The following GRIK2 variants were observed in gnomAD, a reference collection of about 807,000 sequenced individuals.
GRIK2 encodes glutamate receptor ionotropic, kainate 2.
A neutral mutation model predicts 100.3 loss-of-function variants in GRIK2; 32 were observed. The observed-to-expected ratio is 0.32, with a 90% CI of 0.24 to 0.43. The LOEUF is 0.43. Ranked by LOEUF, GRIK2 falls within the 20% of genes least tolerant of loss-of-function variation. GRIK2 has a pLI of 1.00. For missense variants in GRIK2, 843 were observed against 1,114.9 expected, an observed-to-expected ratio of 0.76 and a Z score of 3.47; for synonymous variants, 417 against 389.4, an observed-to-expected ratio of 1.07 and a Z score of -0.83.
At chr6:101,893,891 G>A (rs2128458925) in intron 12 of GRIK2, among the ~76,000 whole-genome samples, 1 of 151,462 alleles carries the variant, frequency 6.6e-6, no homozygotes, top group African/African-American at 2.4e-5. Context: ...TATTACCCTT[G>A]AATAAATTTA....
intron 7 of GRIK2, among the ~76,000 whole-genome samples, chr6:101,725,866 G>C (rs1299378959): frequency 6.6e-6 from 1 of 151,826 alleles, no homozygotes. Flanking sequence ...CAAGGAAAAT[G>C]AATATTTATT....
chr6:101,962,979 A>ATT (rs144734031), intron 14 of GRIK2, among the ~76,000 whole-genome samples: 7 of 149,608 alleles, frequency 4.7e-5, no homozygotes, highest in Non-Finnish European at 4.5e-5. Context: ...AGGCAGTTGA[A>ATT]TTTTTTTTTT....
intron 14 of GRIK2, among the ~76,000 whole-genome samples, chr6:102,025,657 A>G (rs1582744707): frequency 6.6e-6 from 1 of 151,214 alleles, no homozygotes; most frequent in African/African-American, 2.4e-5. Flanking sequence ...ATAATCATCA[A>G]CTACTTTATA....
intron 7 of GRIK2, among the ~76,000 whole-genome samples, chr6:101,700,590 A>C (rs559826653): frequency 6.6e-6 from 1 of 152,294 alleles, no homozygotes; most frequent in Non-Finnish European, 1.5e-5. Context: ...AAAATGCTGT[A>C]GGATGAGCAT....
chr6:101,661,093 G>A (rs1769577041), intron 4 of GRIK2, among the ~76,000 whole-genome samples: 1 of 152,138 alleles, frequency 6.6e-6, no homozygotes, highest in Non-Finnish European at 1.5e-5. Context: ...CCTTCCCTCA[G>A]GTGCTCTGTC....
In GRIK2 at chr6:101,911,473, G is replaced by T. The variant is rs1472726588; in HGVS notation, c.1749-13128G>T. On this transcript the variant is annotated intron_variant, in intron 12 of 16. Coordinates refer to ENST00000369134, the MANE Select transcript of GRIK2 (RefSeq NM_021956.5). ...GGGTAGCTTTATTGTATCTGCTACT[G>T]GTTCAGAATGTTTTATTTTGGGAGA... Among the ~76,000 whole-genome samples the T allele has an allele frequency of 2.0e-5, 3 of 151,528 alleles. No individual in the cohort carries two copies. In the East Asian group the frequency reaches 5.8e-4, roughly 29 times the overall value.
intron 11 of GRIK2, among the ~76,000 whole-genome samples, chr6:101,869,595 T>C (rs993290467): frequency 2.6e-5 from 4 of 152,038 alleles, no homozygotes; most frequent in East Asian, 1.9e-4. Flanking sequence ...ATTTGGATCA[T>C]TGAAAATCAG....
intron 2 of GRIK2, chr6:101,430,953 T>C: frequency 6.4e-6 from 2 of 310,590 alleles, no homozygotes; most frequent in Middle Eastern, 1.2e-3. Context: ...GGGAAAGGCA[T>C]AGCCCTCAAA....
intron 14 of GRIK2, among the ~76,000 whole-genome samples, chr6:101,978,247 TGG>T (rs1400687485): frequency 1.6e-4 from 25 of 151,752 alleles, no homozygotes; most frequent in African/African-American, 5.8e-4. Flanking sequence ...GGCAGGGGAG[TGG>T]TCTCTTCATC....
intron 2 of GRIK2, among the ~76,000 whole-genome samples, chr6:101,497,475 T>G (rs931460268): frequency 1.1e-5 from 1 of 92,156 alleles, no homozygotes; most frequent in Non-Finnish European, 2.5e-5. Context: ...CTATTCACTC[T>G]TATTGAGTTT....
intron 12 of GRIK2, among the ~76,000 whole-genome samples, chr6:101,906,579 A>C (rs1562479001): frequency 6.6e-6 from 1 of 151,710 alleles, no homozygotes; most frequent in Admixed American, 6.6e-5. Context: ...ACCAGATGCT[A>C]TTCAATTAGT....
At chr6:101,643,600 C>T (rs1359983607) in intron 4 of GRIK2, among the ~76,000 whole-genome samples, 1 of 151,460 alleles carries the variant, frequency 6.6e-6, no homozygotes, top group Non-Finnish European at 1.5e-5. Context: ...ATATGTCTGC[C>T]TTTGTGCCAG....
At chr6:101,811,938 C>G (rs933592994) in intron 9 of GRIK2, among the ~76,000 whole-genome samples, 6 of 150,688 alleles carry the variant, frequency 4.0e-5, no homozygotes, top group South Asian at 4.2e-4. Context: ...ACACAGAAAC[C>G]AAAGAGAAAA....
chr6:101,618,144 A>T (rs1285148788), intron 2 of GRIK2, among the ~76,000 whole-genome samples: 3 of 151,092 alleles, frequency 2.0e-5, no homozygotes, highest in African/African-American at 7.3e-5. Flanking sequence ...TTTTTTTTGA[A>T]CTTTATTTTT....
chr6:101,455,791 T>A (rs1315868148), intron 2 of GRIK2, among the ~76,000 whole-genome samples: 1 of 152,100 alleles, frequency 6.6e-6, no homozygotes, highest in Non-Finnish European at 1.5e-5. Context: ...TAATCAGGTT[T>A]AGTAGGAGAG....
intron 2 of GRIK2, among the ~76,000 whole-genome samples, chr6:101,601,296 G>A (rs1417372561): frequency 6.6e-6 from 1 of 151,734 alleles, no homozygotes; most frequent in Non-Finnish European, 1.5e-5. Flanking sequence ...ACTTGAGCAT[G>A]GTGAATTAAC....
intron 7 of GRIK2, among the ~76,000 whole-genome samples, chr6:101,789,635 A>G (rs1402407915): frequency 6.6e-6 from 1 of 152,172 alleles, no homozygotes; most frequent in Non-Finnish European, 1.5e-5. Context: ...GAAGTCAGGT[A>G]ATGTGATGCC....
intron 3 of GRIK2, among the ~76,000 whole-genome samples, chr6:101,624,616 G>C (rs911221874): frequency 6.6e-6 from 1 of 152,180 alleles, no homozygotes; most frequent in African/African-American, 2.4e-5. Flanking sequence ...TGGAGGAATT[G>C]AGTCTGAACA....
chr6:101,468,511 AT>A (rs967561723), intron 2 of GRIK2, among the ~76,000 whole-genome samples: 2 of 152,020 alleles, frequency 1.3e-5, no homozygotes, highest in African/African-American at 4.8e-5. Flanking sequence ...TTCCAGGCAG[AT>A]TTTAGTTAGG....
Sources: allele counts gnomAD v4.1 joint callset (sites outside exome capture counted in the v4.1 genomes callset), GRCh38; gene constraint gnomAD v4.1.1; transcripts MANE v1.5; gene names NCBI Gene and HGNC (gene_info 2026-07-23, HGNC 2026-07-21).